The following KCND2 variants were observed in gnomAD, a reference collection of about 807,000 sequenced individuals.
The protein encoded by KCND2 is A-type voltage-gated potassium channel KCND2.
Under a neutral mutation model 54.4 loss-of-function variants are expected in KCND2, and 16 were observed. The observed-to-expected ratio is 0.29, with a 90% CI of 0.20 to 0.45. The LOEUF is 0.45. Among genes scored for constraint, KCND2 ranks in the 20% least tolerant of loss-of-function variants. The pLI is 1.00. For synonymous variants in KCND2, 317 were observed against 310.7 expected, an observed-to-expected ratio of 1.02 and a Z score of -0.21; for missense variants, 486 against 824.2, an observed-to-expected ratio of 0.59 and a Z score of 5.02.
intron 1 of KCND2, among the ~76,000 whole-genome samples, chr7:120,515,248 A>G (rs1803179380): frequency 1.3e-5 from 2 of 151,982 alleles, no homozygotes. Flanking sequence ...CTCACATCAA[A>G]GTATTCCTTC....
intron 1 of KCND2, among the ~76,000 whole-genome samples, chr7:120,679,947 T>G (rs1440586883): frequency 6.6e-6 from 1 of 152,078 alleles, no homozygotes; most frequent in East Asian, 1.9e-4. Context: ...CATAGCGTGG[T>G]TAGTGATACA....
At chr7:120,460,558 CTTTT>C (rs67237835) in intron 1 of KCND2, among the ~76,000 whole-genome samples, 1 of 130,260 alleles carries the variant, frequency 7.7e-6, no homozygotes, top group Admixed American at 7.8e-5. Flanking sequence ...CCACCACGGC[CTTTT>C]TTTTTTTTTT....
In KCND2 at chr7:120,632,894, T is replaced by G. The variant is rs184438951; in HGVS notation, c.1116-100009T>G. Among the ~76,000 whole-genome samples the G allele has an allele frequency of 3.9e-3, 589 of 152,322 alleles. 5 individuals are homozygous for G. Among genetic ancestry groups the G allele is most frequent in the African/African-American group, 0.014 (570 of 41,572 alleles). On this transcript the variant is annotated intron_variant, in intron 1 of 5. Transcript: ENST00000331113. ...CCTCATTGGTGGTCTAGAGTCTGTT[T>G]GCAAAGAAACATGAGTAATCTCCCA...
At chr7:120,621,397 A>G (rs1259598429) in intron 1 of KCND2, among the ~76,000 whole-genome samples, 1 of 151,160 alleles carries the variant, frequency 6.6e-6, no homozygotes, top group Non-Finnish European at 1.5e-5. Flanking sequence ...CTTTAAACAC[A>G]TTGAAGGATG....
At chr7:120,630,261 T>C (rs1332916760) in intron 1 of KCND2, among the ~76,000 whole-genome samples, 2 of 152,196 alleles carry the variant, frequency 1.3e-5, no homozygotes, top group Non-Finnish European at 2.9e-5. Flanking sequence ...AAAAATTCAT[T>C]AAAATTTTGG....
intron 1 of KCND2, among the ~76,000 whole-genome samples, chr7:120,618,248 G>A (rs1793053776): frequency 6.6e-6 from 1 of 152,144 alleles, no homozygotes; most frequent in Non-Finnish European, 1.5e-5. Context: ...AATGAGTCAA[G>A]TGCCTTTCCT....
intron 1 of KCND2, among the ~76,000 whole-genome samples, chr7:120,328,009 C>T (rs572619104): frequency 3.3e-5 from 5 of 152,276 alleles, no homozygotes; most frequent in African/African-American, 1.2e-4. Context: ...CTATCAAGCT[C>T]TACAGCACAT....
intron 1 of KCND2, among the ~76,000 whole-genome samples, chr7:120,491,581 C>G (rs1007516514): frequency 6.6e-6 from 1 of 151,954 alleles, no homozygotes; most frequent in Non-Finnish European, 1.5e-5. Flanking sequence ...AAATTCTGTA[C>G]AGAGAATCAC....
intron 1 of KCND2, among the ~76,000 whole-genome samples, chr7:120,579,469 G>T (rs1163612109): frequency 4.0e-5 from 6 of 151,722 alleles, no homozygotes; most frequent in Admixed American, 2.0e-4. Context: ...GGGCATGGTG[G>T]TGCTTGCCTG....
At chr7:120,742,339 T>G in intron 3 of KCND2, 171 bp from the exon 4 acceptor site, 1 of 631,406 alleles carries the variant, frequency 1.6e-6, no homozygotes, top group Non-Finnish European at 2.9e-6. Flanking sequence ...GATGAAATTG[T>G]AAATGCCGAT....
At chr7:120,459,213 C>T (rs895554486) in intron 1 of KCND2, among the ~76,000 whole-genome samples, 5 of 152,112 alleles carry the variant, frequency 3.3e-5, no homozygotes, top group African/African-American at 4.8e-5. Context: ...TGAACTCCAG[C>T]CACAGTTGCT....
intron 1 of KCND2, among the ~76,000 whole-genome samples, chr7:120,384,670 G>A (rs1253550800): frequency 6.6e-6 from 1 of 152,110 alleles, no homozygotes; most frequent in Non-Finnish European, 1.5e-5. Context: ...CTGCCCAGAA[G>A]ATATCAAACA....
intron 1 of KCND2, among the ~76,000 whole-genome samples, chr7:120,408,772 T>C (rs539265641): frequency 3.9e-5 from 6 of 151,954 alleles, no homozygotes; most frequent in East Asian, 1.9e-4. Context: ...CAGGGTACTC[T>C]TTTTCCCTCC....
At chr7:120,466,557 G>A (rs557910982) in intron 1 of KCND2, among the ~76,000 whole-genome samples, 2 of 151,976 alleles carry the variant, frequency 1.3e-5, no homozygotes, top group African/African-American at 4.8e-5. Flanking sequence ...CATTCCTTTA[G>A]CAATGCTTCC....
At chr7:120,674,078 A>G (rs1792027936) in intron 1 of KCND2, among the ~76,000 whole-genome samples, 1 of 151,744 alleles carries the variant, frequency 6.6e-6, no homozygotes, top group African/African-American at 2.4e-5. Flanking sequence ...TAATTTTTGT[A>G]TTTTTAGTAG....
chr7:120,525,676 C>T (rs1791763396), intron 1 of KCND2, among the ~76,000 whole-genome samples: 2 of 152,118 alleles, frequency 1.3e-5, no homozygotes, highest in Admixed American at 1.3e-4. Context: ...TTTATACAAG[C>T]TTTTGCTTGC....
intron 1 of KCND2, among the ~76,000 whole-genome samples, chr7:120,725,055 C>A (rs1792716067): frequency 6.6e-6 from 1 of 151,774 alleles, no homozygotes; most frequent in African/African-American, 2.4e-5. Context: ...ATATAATAGG[C>A]TAAAAGCAAG....
intron 1 of KCND2, among the ~76,000 whole-genome samples, chr7:120,493,716 G>C (rs1378749732): frequency 6.6e-6 from 1 of 152,032 alleles, no homozygotes; most frequent in Admixed American, 6.6e-5. Context: ...TTTTAACAAG[G>C]CCAAGTGTTG....
chr7:120,512,923 T>C (rs1258025500), intron 1 of KCND2, among the ~76,000 whole-genome samples: 2 of 151,248 alleles, frequency 1.3e-5, no homozygotes, highest in African/African-American at 4.9e-5. Flanking sequence ...GCCTCCTTAG[T>C]AGGGGGGATT....
Sources: allele counts gnomAD v4.1 joint callset (sites outside exome capture counted in the v4.1 genomes callset), GRCh38; gene constraint gnomAD v4.1.1; transcripts MANE v1.5; gene names NCBI Gene and HGNC (gene_info 2026-07-23, HGNC 2026-07-21).